Variants in ASPM observed in about 807,000 individuals in gnomAD.
ASPM encodes abnormal spindle-like microcephaly-associated protein.
In ASPM, 256 loss-of-function variants were observed where a neutral mutation model predicts 366.4. The observed-to-expected ratio is 0.70, with a 90% CI of 0.63 to 0.77. ASPM has a LOEUF of 0.77. Among genes scored for constraint, ASPM ranks in the 30% least tolerant of loss-of-function variants. ASPM has a pLI of 0.00. For synonymous variants in ASPM, 1,414 were observed against 1,342.9 expected, an observed-to-expected ratio of 1.05 and a Z score of -1.16; for missense variants, 4,146 against 4,090.4, an observed-to-expected ratio of 1.01 and a Z score of -0.37.
At chr1:197,135,027 G>T in intron 5 of ASPM, 69 bp downstream of exon 5, 2 of 1,208,762 alleles carry the variant, frequency 1.7e-6, no homozygotes, top group South Asian at 1.3e-5. Context: ...ATTAAAGAAT[G>T]ACAAACGATG....
rs747576569 is a variant in ASPM, at chr1:197,089,939, A to G, written c.9975T>C (p.Asn3325=). The G allele has an allele frequency of 1.2e-6, 2 of 1,613,116 alleles. No homozygotes were observed. Among genetic ancestry groups the G allele is most frequent in the Non-Finnish European group, 1.7e-6 (2 of 1,179,308 alleles). ...TAAAATGAAAAACTACCTTAGATAC[A>G]TTAAGCAAGACTTGCACAGCATATC... ...VIRYAVQVLL[N]VSKYEKTTSA... Residue 3325 remains asparagine (N), a synonymous_variant, in exon 25 of 28, where the codon AAT becomes AAC. Transcript: ENST00000367409.
chr1:197,136,595 G>A (rs573508110), intron 4 of ASPM, among the ~76,000 whole-genome samples: 2 of 152,000 alleles, frequency 1.3e-5, no homozygotes, highest in Non-Finnish European at 2.9e-5. Context: ...GATGTTATAT[G>A]TAATTTTCAT....
intron 26 of ASPM, 91 bp downstream of exon 26, chr1:197,088,163 TAG>T: frequency 7.2e-7 from 1 of 1,384,654 alleles, no homozygotes; most frequent in Non-Finnish European, 1.0e-6. Context: ...AACCCTATTT[TAG>T]AGTGATAATT....
chr1:197,111,826 T>C (rs1173381944), intron 17 of ASPM, among the ~76,000 whole-genome samples: 1 of 152,032 alleles, frequency 6.6e-6, no homozygotes, highest in Non-Finnish European at 1.5e-5. Context: ...CTATCTCACA[T>C]CAATCATAAT....
intron 19 of ASPM, among the ~76,000 whole-genome samples, chr1:197,095,496 T>C (rs960115453): frequency 3.8e-4 from 57 of 151,796 alleles, no homozygotes; most frequent in African/African-American, 1.3e-3. Context: ...AATGTGTGTG[T>C]GAGAAATAAG....
chr1:197,108,401 A>G (rs1015371728), intron 17 of ASPM, among the ~76,000 whole-genome samples: 4 of 152,082 alleles, frequency 2.6e-5, no homozygotes, highest in African/African-American at 9.7e-5. Context: ...AAGACTGAGC[A>G]GAGACCAATG....
chr1:197,117,089 T>C (rs1194276027), intron 17 of ASPM, among the ~76,000 whole-genome samples: 1 of 152,020 alleles, frequency 6.6e-6, no homozygotes. Context: ...TAAAAAAAGG[T>C]TAAAAAAGAC....
At position 197,133,403 on chromosome 1, in the gene ASPM, A is replaced by C; in HGVS notation, c.2366T>G (p.Ile789Ser). The change falls in exon 6 of 28, where the codon ATT (isoleucine) becomes AGT (serine). Residue 789 changes from isoleucine (I) to serine (S), a missense_variant. Physicochemically the swap from Ile to Ser is moderately radical, Grantham distance 142. Coordinates refer to ENST00000367409, the MANE Select transcript of ASPM (RefSeq NM_018136.5). ...TCGAACAATTAACCGCCTAGCTTCA[A>C]TTTCAATTTCAAGCTTTTTAATAGC... ...VKAIKKLEIE[I>S]EARRLIVRKD... 1 of 1,613,968 alleles carries C rather than the reference A, an allele frequency of 6.2e-7. No homozygotes were observed. The highest frequency in any genetic ancestry group is 2.2e-5 in the East Asian group (1 of 44,848).
rs756104870 is a variant in ASPM at position 197,129,935 on chromosome 1, A to G, written c.2609T>C (p.Val870Ala). The G allele has an allele frequency of 1.9e-6, 3 of 1,613,826 alleles. No homozygotes were observed. The South Asian group carries it at 3.3e-5, about 18-fold the overall frequency. The change falls in exon 8 of 28, where the codon GTT becomes GCT. Residue 870 changes from valine to alanine, a missense_variant. Val to Ala is a moderately conservative substitution (Grantham distance 64). Around this residue, in one of 3 missense-constraint regions of ASPM, gnomAD observed 3,624 missense variants for 3,591.7 expected, o/e 1.01. Coordinates refer to ENST00000367409, the MANE Select transcript of ASPM (RefSeq NM_018136.5). Reference protein sequence around the residue: ...DIAAEYRHPTVPHLYRDGHEE... With the variant: ...DIAAEYRHPTAPHLYRDGHEE... The stretch of plus-strand genomic sequence containing the variant: ...CTTACCATCTCTATACAGGTGAGGA[A>G]CAGTGGGGTGTCTATACTCAGCTGC...
intron 17 of ASPM, among the ~76,000 whole-genome samples, chr1:197,115,035 C>A (rs1657701977): frequency 6.6e-6 from 1 of 152,028 alleles, no homozygotes; most frequent in Admixed American, 6.6e-5. Flanking sequence ...CAGGCATGAG[C>A]CATCATGCCC....
At chr1:197,117,671 A>T in intron 17 of ASPM, 118 bp downstream of exon 17, 1 of 877,134 alleles carries the variant, frequency 1.1e-6, no homozygotes, top group East Asian at 2.6e-5. Flanking sequence ...TTGTTAAATT[A>T]AGTATTAGAT....
chr1:197,100,727 G>A lies in ASPM; in HGVS notation c.8524C>T (p.Arg2842Trp), dbSNP rs112946633. 84 of 1,612,432 alleles carry A rather than the reference G, an allele frequency of 5.2e-5. No individual in the cohort carries two copies. The highest frequency in any genetic ancestry group is 4.8e-4 in the African/African-American group (36 of 74,910). ...KLETQKCAAL[R>W]IQFFLQMAVY... ...GCCATCTGAAGGAAGAACTGAATCC[G>A]TAGGGCAGCACATTTCTGTGTTTCC... The change falls in exon 18 of 28, where the codon CGG (arginine) becomes TGG (tryptophan). Residue 2842 changes from arginine to tryptophan, a missense_variant. Arg to Trp is a moderately radical substitution (Grantham distance 101). Coordinates refer to ENST00000367409, the MANE Select transcript of ASPM (RefSeq NM_018136.5).
At chr1:197,089,689 T>C (rs1656712241) in intron 25 of ASPM, among the ~76,000 whole-genome samples, 1 of 152,000 alleles carries the variant, frequency 6.6e-6, no homozygotes, top group Non-Finnish European at 1.5e-5. Flanking sequence ...CTTTTAATCA[T>C]CATTGTTTTT....
intron 3 of ASPM, among the ~76,000 whole-genome samples, chr1:197,140,254 G>A (rs1658540656): frequency 6.6e-6 from 1 of 152,234 alleles, no homozygotes; most frequent in Non-Finnish European, 1.5e-5. Context: ...AGCCTTCCCA[G>A]ATGGGAATCT....
In ASPM at chr1:197,091,968, T is replaced by A; in HGVS notation, c.9383A>T (p.Tyr3128Phe). Residue 3128 changes from tyrosine to phenylalanine, a missense_variant, in exon 22 of 28, where the codon TAT (tyrosine) becomes TTT (phenylalanine). By Grantham distance (22) the Tyr-to-Phe change is conservative (BLOSUM62 3). Around this residue, in one of 3 missense-constraint regions of ASPM, gnomAD observed 3,624 missense variants for 3,591.7 expected, o/e 1.01. Coordinates refer to ENST00000367409, the MANE Select transcript of ASPM (RefSeq NM_018136.5). Reference sequence around the variant, plus strand: ...ATTCTTCACAGCCAGGTAAAGTTTATAGGCTCTTTGAATTCTAACAGCATT... The same window carrying A: ...ATTCTTCACAGCCAGGTAAAGTTTAAAGGCTCTTTGAATTCTAACAGCATT... ...HLNAVRIQRA[Y>F]KLYLAVKNAN... is the part of the protein sequence containing the mutation. The A allele has an allele frequency of 6.2e-7, 1 of 1,611,876 alleles. No homozygotes were observed. The highest frequency in any genetic ancestry group is 8.5e-7 in the Non-Finnish European group (1 of 1,178,858).
chr1:197,112,249 A>G (rs944114074), intron 17 of ASPM, among the ~76,000 whole-genome samples: 4 of 152,150 alleles, frequency 2.6e-5, no homozygotes, highest in Non-Finnish European at 5.9e-5. Flanking sequence ...TTAGCAAACT[A>G]ACACGGGAAC....
At chr1:197,095,882 AAATT>A in intron 19 of ASPM, 112 bp downstream of exon 19, 1 of 970,656 alleles carries the variant, frequency 1.0e-6, no homozygotes, top group Non-Finnish European at 1.5e-6. Context: ...CCAACCATAT[AAATT>A]AAGCATAACA....
At position 197,146,648 on chromosome 1, in the gene ASPM, A is replaced by C. The variant is rs1312958450; in HGVS notation, c.-211T>G. ...CTCGCAAATTAAAAAGAGGAGCCAAACAAGTATGGCGTTTTGACTCTGTTT... is the reference window on the plus strand; with the variant it reads ...CTCGCAAATTAAAAAGAGGAGCCAACCAAGTATGGCGTTTTGACTCTGTTT... On this transcript the variant is annotated 5_prime_UTR_variant, in exon 1 of 28. Transcript: ENST00000367409. The C allele has an allele frequency of 2.4e-5, 15 of 615,206 alleles. No homozygotes were observed. The highest frequency in any genetic ancestry group is 8.9e-5 in the Admixed American group (3 of 33,876). 38.1% of individuals were successfully genotyped at this position (615,206 alleles called of 1,614,324 possible).
chr1:197,108,470 A>G (rs549381770), intron 17 of ASPM, among the ~76,000 whole-genome samples: 36 of 152,246 alleles, frequency 2.4e-4, no homozygotes, highest in African/African-American at 7.9e-4. Flanking sequence ...CAAGACTGAC[A>G]AAGAAGAAAA....
Sources: allele counts gnomAD v4.1 joint callset (sites outside exome capture counted in the v4.1 genomes callset), GRCh38; gene constraint gnomAD v4.1.1; regional missense constraint gnomAD v4.1.1; transcripts MANE v1.5; gene names NCBI Gene and HGNC (gene_info 2026-07-23, HGNC 2026-07-21).